Variants in RAB5C observed in about 807,000 individuals in gnomAD.
RAB5C encodes RAB5C, member RAS oncogene family.
Under a neutral mutation model 25.2 loss-of-function variants are expected in RAB5C, and 4 were observed. That is an observed-to-expected ratio of 0.16 (90% CI 0.08 to 0.36). The LOEUF (loss-of-function observed/expected upper bound fraction) is 0.36, where lower values mean the gene tolerates loss of function less well. Among genes scored for constraint, RAB5C ranks in the 10% least tolerant of loss-of-function variants. The pLI is 1.00. For missense variants in RAB5C, 199 were observed against 283.8 expected, an observed-to-expected ratio of 0.70 and a Z score of 2.15; for synonymous variants, 100 against 106.4, an observed-to-expected ratio of 0.94 and a Z score of 0.37.
At chr17:42,131,503 A>G (rs769423389) in intron 1 of RAB5C, 71 of 1,221,366 alleles carry the variant, frequency 5.8e-5, no homozygotes, top group Admixed American at 2.1e-4. Flanking sequence ...AACAGACACC[A>G]AAACAAAACA....
At chr17:42,146,871 T>C (rs1250186830) in intron 1 of RAB5C, among the ~76,000 whole-genome samples, 2 of 151,630 alleles carry the variant, frequency 1.3e-5, no homozygotes, top group African/African-American at 4.9e-5. Flanking sequence ...CCAAGCGTGG[T>C]GGCAGGAGCC....
chr17:42,125,806 G>A lies in RAB5C; in HGVS notation c.628C>T (p.Arg210Trp), dbSNP rs368233156. The A allele has an allele frequency of 1.0e-5, 16 of 1,607,930 alleles. 1 individual carries two copies. The highest frequency in any genetic ancestry group is 2.2e-5 in the East Asian group (1 of 44,732). The change falls in exon 6 of 6, where the codon CGG (arginine) becomes TGG (tryptophan). Residue 210 changes from arginine (R) to tryptophan (W), a missense_variant. Transcript: ENST00000346213. ...VDLQENNPASRSQCCSN is the reference protein window; with the variant it reads ...VDLQENNPASWSQCCSN ...GCTCAGTTGCTGCAGCACTGGCTCC[G>A]GCTGGCTGGGTTGTTCTCCTGGAGG...
intron 1 of RAB5C, among the ~76,000 whole-genome samples, chr17:42,151,063 G>A (rs1568026467): frequency 6.6e-6 from 1 of 152,286 alleles, no homozygotes; most frequent in East Asian, 1.9e-4. Flanking sequence ...GAATCAGGAT[G>A]AGAACTCAGG....
intron 1 of RAB5C, 119 bp from the exon 2 acceptor site, chr17:42,130,709 C>T: frequency 7.8e-7 from 1 of 1,274,254 alleles, no homozygotes; most frequent in Non-Finnish European, 1.0e-6. Context: ...TGCTTCCCCT[C>T]ACCTCACCTC....
At chr17:42,147,532 G>A (rs998194687) in intron 1 of RAB5C, among the ~76,000 whole-genome samples, 14 of 152,336 alleles carry the variant, frequency 9.2e-5, no homozygotes, top group African/African-American at 2.4e-4. Context: ...AGTCAGGGCC[G>A]CGCCCTCATT....
chr17:42,136,857 C>A (rs1264139278), intron 1 of RAB5C, among the ~76,000 whole-genome samples: 1 of 152,200 alleles, frequency 6.6e-6, no homozygotes, highest in Non-Finnish European at 1.5e-5. Flanking sequence ...AAGCAAGGCT[C>A]TCCTATTAGA....
At chr17:42,154,832 G>A (rs1372488563) in intron 1 of RAB5C, 61 bp downstream of exon 1, 1 of 152,400 alleles carries the variant, frequency 6.6e-6, no homozygotes, top group African/African-American at 2.4e-5. Context: ...CGGGAGGAAG[G>A]GCTGCCCTGG....
chr17:42,138,085 G>A (rs2054556347), intron 1 of RAB5C, among the ~76,000 whole-genome samples: 1 of 152,168 alleles, frequency 6.6e-6, no homozygotes, highest in Non-Finnish European at 1.5e-5. Context: ...GTGGTTTAAA[G>A]CTTCACAATA....
chr17:42,126,886 T>G, intron 4 of RAB5C, 38 bp from the exon 5 acceptor site: 2 of 1,381,608 alleles, frequency 1.4e-6, no homozygotes, highest in Non-Finnish European at 2.1e-6. Flanking sequence ...GAGAGGGAAA[T>G]GTTGGCAGGG....
At chr17:42,131,623 A>G (rs1568019647) in intron 1 of RAB5C, 4 of 1,534,060 alleles carry the variant, frequency 2.6e-6, no homozygotes, top group East Asian at 2.4e-5. Context: ...TCCATTCTCT[A>G]CTGGCAGAGA....
intron 1 of RAB5C, among the ~76,000 whole-genome samples, chr17:42,139,605 G>A (rs959469873): frequency 3.3e-4 from 51 of 152,248 alleles, no homozygotes; most frequent in African/African-American, 1.1e-3. Context: ...GACTACATAC[G>A]CGTGCCACCA....
At chr17:42,131,559 T>C in intron 1 of RAB5C, 2 of 1,498,836 alleles carry the variant, frequency 1.3e-6, no homozygotes, top group Middle Eastern at 1.7e-4. Flanking sequence ...AAGTCATAGC[T>C]CTGCCACAGT....
At chr17:42,138,201 G>T (rs1189139110) in intron 1 of RAB5C, among the ~76,000 whole-genome samples, 1 of 152,174 alleles carries the variant, frequency 6.6e-6, no homozygotes, top group African/African-American at 2.4e-5. Flanking sequence ...GCAGAGGAAA[G>T]GGGGGTTTAG....
At chr17:42,140,597 C>T (rs1388000707) in intron 1 of RAB5C, among the ~76,000 whole-genome samples, 1 of 142,746 alleles carries the variant, frequency 7.0e-6, no homozygotes, top group Non-Finnish European at 1.5e-5. Flanking sequence ...AATCTGGGCT[C>T]ACTACCACCT....
At chr17:42,140,505 ATATATATATATTTTTTT>A (rs1334886743) in intron 1 of RAB5C, among the ~76,000 whole-genome samples, 15 of 71,526 alleles carry the variant, frequency 2.1e-4, no homozygotes, top group African/African-American at 8.5e-4. Context: ...ATATATATAT[ATATATATATATTTTTTT>A]TTTTTTTTTT....
intron 1 of RAB5C, among the ~76,000 whole-genome samples, chr17:42,136,908 C>CATA (rs1204761400): frequency 6.6e-6 from 1 of 152,212 alleles, no homozygotes; most frequent in Admixed American, 6.5e-5. Context: ...ATCTCATTAC[C>CATA]ATAACCCCTG....
chr17:42,129,915 C>G (rs1427555709), intron 2 of RAB5C, among the ~76,000 whole-genome samples: 3 of 152,238 alleles, frequency 2.0e-5, no homozygotes, highest in African/African-American at 4.8e-5. Flanking sequence ...TTCAGAAACA[C>G]CCACCTATCA....
chr17:42,125,459 A>C lies in RAB5C; in HGVS notation c.*324T>G. 3.6e-6 allele frequency: 1 copy of C among 275,856 alleles called. No individual in the cohort carries two copies. The highest frequency in any genetic ancestry group is 7.0e-6 in the Non-Finnish European group (1 of 143,132). 17.1% of individuals were successfully genotyped at this position (275,856 alleles called of 1,614,324 possible). ...ACTGACCCCACTGTCCCCATATACA[A>C]GGGTTGGGGGGCAAGAGCATGTGGC... On this transcript the variant is annotated 3_prime_UTR_variant, in exon 6 of 6. Coordinates refer to ENST00000346213, the MANE Select transcript of RAB5C (RefSeq NM_004583.4).
chr17:42,150,940 CCTTT>C (rs1287755620), intron 1 of RAB5C, among the ~76,000 whole-genome samples: 2 of 152,158 alleles, frequency 1.3e-5, no homozygotes, highest in South Asian at 4.1e-4. Context: ...TGGACTAGCT[CCTTT>C]CTTTGTTTCT....
Sources: allele counts gnomAD v4.1 joint callset (sites outside exome capture counted in the v4.1 genomes callset), GRCh38; gene constraint gnomAD v4.1.1; transcripts MANE v1.5; gene names NCBI Gene and HGNC (gene_info 2026-07-23, HGNC 2026-07-21).